Variants in CA1 observed in about 807,000 individuals in gnomAD.
The protein encoded by CA1 is carbonate dehydratase I.
CA1 carries 27 observed loss-of-function variants against 28.8 expected under a neutral mutation model. The observed-to-expected ratio is 0.94, with a 90% CI of 0.69 to 1.29. CA1 has a LOEUF of 1.29. CA1 is among the 50% of genes most tolerant of loss of function. The pLI is 0.00. For missense variants in CA1, 335 were observed against 310.5 expected, an observed-to-expected ratio of 1.08 and a Z score of -0.59; for synonymous variants, 121 against 108.8, an observed-to-expected ratio of 1.11 and a Z score of -0.70.
chr8:85,355,939 A>G (rs1809591030), intron 1 of CA1, among the ~76,000 whole-genome samples: 1 of 151,994 alleles, frequency 6.6e-6, no homozygotes, highest in East Asian at 1.9e-4. Context: ...TCCTTCTAGT[A>G]TTTGACATAA....
Position 85,336,999 on chromosome 8 carries a change from A to T in CA1, c.300T>A (p.Ser100Arg). 6.2e-7 allele frequency: 1 copy of T among 1,613,294 alleles called. No individual in the cohort carries two copies. The highest frequency in any genetic ancestry group is 8.5e-7 in the Non-Finnish European group (1 of 1,179,328). Residue 100 changes from serine to arginine, a missense_variant, in exon 4 of 8, where the codon AGT becomes AGA. By Grantham distance (110) the Ser-to-Arg change is moderately radical. Coordinates refer to ENST00000523022, the MANE Select transcript of CA1 (RefSeq NM_001128831.4). ...RLFQFHFHWG[S>R]TNEHGSEHTV... is the part of the protein sequence containing the mutation. ...TATGTTCTGAACCATGCTCATTTGT[A>T]CTGCCCCAGTGAAAATGGAACTGAA...
chr8:85,363,196 A>C (rs1809866880), intron 1 of CA1, among the ~76,000 whole-genome samples: 1 of 152,192 alleles, frequency 6.6e-6, no homozygotes, highest in East Asian at 1.9e-4. Flanking sequence ...GAGAAATTCC[A>C]GTTCTTTAAG....
At chr8:85,367,680 ATGC>A (rs1311737801) in intron 1 of CA1, among the ~76,000 whole-genome samples, 9 of 152,338 alleles carry the variant, frequency 5.9e-5, no homozygotes, top group Admixed American at 5.2e-4. Flanking sequence ...GTCCCAGGTG[ATGC>A]TGATACTGCT....
chr8:85,348,606 C>T (rs1809291156), intron 1 of CA1, among the ~76,000 whole-genome samples: 1 of 152,122 alleles, frequency 6.6e-6, no homozygotes, highest in Non-Finnish European at 1.5e-5. Flanking sequence ...TAAACAAAGA[C>T]ATGTAACGAG....
chr8:85,374,194 A>C (rs891088181), intron 1 of CA1, among the ~76,000 whole-genome samples: 2 of 152,200 alleles, frequency 1.3e-5, no homozygotes, highest in African/African-American at 4.8e-5. Context: ...TTACAAAGTT[A>C]AATATCAAAA....
intron 6 of CA1, among the ~76,000 whole-genome samples, chr8:85,331,062 T>C (rs1042091325): frequency 1.3e-5 from 2 of 152,186 alleles, no homozygotes; most frequent in African/African-American, 2.4e-5. Flanking sequence ...GTAACCCTTT[T>C]CCATGAAGTG....
chr8:85,362,912 G>A (rs1809854494), intron 1 of CA1, among the ~76,000 whole-genome samples: 1 of 152,160 alleles, frequency 6.6e-6, no homozygotes, highest in Non-Finnish European at 1.5e-5. Context: ...AAAAACTAAA[G>A]ATGTGTAGTT....
chr8:85,329,525 G>C (rs780354343), intron 7 of CA1, among the ~76,000 whole-genome samples, 164 bp downstream of exon 7: 4 of 151,468 alleles, frequency 2.6e-5, no homozygotes, highest in Non-Finnish European at 5.9e-5. Context: ...ATGCATTTTT[G>C]GATAGTTTAA....
At chr8:85,349,568 G>C (rs1241063583) in intron 1 of CA1, among the ~76,000 whole-genome samples, 1 of 152,126 alleles carries the variant, frequency 6.6e-6, no homozygotes, top group Non-Finnish European at 1.5e-5. Context: ...TTGTCCATGG[G>C]TGCTGGAGAT....
intron 1 of CA1, among the ~76,000 whole-genome samples, chr8:85,355,549 CTTTTTTT>C (rs11353842): frequency 9.2e-5 from 10 of 108,704 alleles, no homozygotes; most frequent in East Asian, 2.4e-4. Context: ...TGTCTAGTTC[CTTTTTTT>C]TTTTTTTTTT....
intron 1 of CA1, among the ~76,000 whole-genome samples, chr8:85,368,571 A>T (rs1810100248): frequency 6.6e-6 from 1 of 151,980 alleles, no homozygotes; most frequent in Non-Finnish European, 1.5e-5. Context: ...TGAAACAAAC[A>T]TAATATCTTT....
intron 2 of CA1, among the ~76,000 whole-genome samples, chr8:85,340,301 G>T (rs1444987536): frequency 1.3e-5 from 2 of 152,118 alleles, no homozygotes; most frequent in African/African-American, 4.8e-5. Flanking sequence ...AATCTACTCT[G>T]CCTGTGCTCT....
intron 1 of CA1, among the ~76,000 whole-genome samples, chr8:85,377,133 C>T (rs1810449831): frequency 6.6e-6 from 1 of 152,076 alleles, no homozygotes; most frequent in African/African-American, 2.4e-5. Context: ...TTTAATATAA[C>T]CTGATATATT....
At chr8:85,369,880 T>C (rs1241938535) in intron 1 of CA1, among the ~76,000 whole-genome samples, 5 of 152,172 alleles carry the variant, frequency 3.3e-5, no homozygotes, top group African/African-American at 9.7e-5. Context: ...GTCCTGGACT[T>C]GTATGTAGAG....
intron 1 of CA1, among the ~76,000 whole-genome samples, chr8:85,371,400 A>G (rs923519838): frequency 7.2e-6 from 1 of 139,680 alleles, no homozygotes. Context: ...GAAAGTGCAC[A>G]TATTCTCAGG....
chr8:85,367,087 CA>C, intron 1 of CA1, among the ~76,000 whole-genome samples: 1 of 151,794 alleles, frequency 6.6e-6, no homozygotes. Flanking sequence ...ATTTCAGAGA[CA>C]GATTATAGAA....
intron 1 of CA1, among the ~76,000 whole-genome samples, chr8:85,366,633 A>G (rs558686479): frequency 6.6e-6 from 1 of 152,370 alleles, no homozygotes; most frequent in East Asian, 1.9e-4. Flanking sequence ...AAATTGAAAA[A>G]TTAACAAGAG....
intron 1 of CA1, among the ~76,000 whole-genome samples, chr8:85,366,282 G>A (rs1013361492): frequency 3.3e-5 from 5 of 151,336 alleles, no homozygotes; most frequent in Middle Eastern, 3.4e-3. Flanking sequence ...CAAAGTGTTA[G>A]GATTACAGGT....
intron 1 of CA1, among the ~76,000 whole-genome samples, chr8:85,352,801 G>A (rs777530595): frequency 6.6e-6 from 1 of 151,996 alleles, no homozygotes; most frequent in East Asian, 1.9e-4. Context: ...AAGTAGCTGG[G>A]ACTACAGACA....
Sources: allele counts gnomAD v4.1 joint callset (sites outside exome capture counted in the v4.1 genomes callset), GRCh38; gene constraint gnomAD v4.1.1; transcripts MANE v1.5; gene names NCBI Gene and HGNC (gene_info 2026-07-23, HGNC 2026-07-21).